Variants in LHFPL3 observed in about 807,000 individuals in gnomAD.
The protein encoded by LHFPL3 is LHFPL tetraspan subfamily member 3 protein.
Under a neutral mutation model 19.3 loss-of-function variants are expected in LHFPL3, and 5 were observed. The observed-to-expected ratio is 0.26, with a 90% confidence interval of 0.14 to 0.54. The LOEUF (loss-of-function observed/expected upper bound fraction) is 0.54. Among genes scored for constraint, LHFPL3 ranks in the 20% least tolerant of loss-of-function variants. The pLI is 0.94. For synonymous variants in LHFPL3, 133 were observed against 126.2 expected (o/e 1.05, Z -0.36); for missense variants, 249 against 307.4 (o/e 0.81, Z 1.42).
In LHFPL3 at chr7:104,830,145, C is replaced by G. The variant is rs962402871; in HGVS notation, c.683-76042C>G. ...AAATGTCTTCTTTTGAGAAGTGTCT[C>G]TTCATATCCTTTGCCCACTTTTTGA... On this transcript the variant is annotated intron_variant, in intron 2 of 2. Coordinates refer to ENST00000424859, the MANE Select transcript of LHFPL3 (RefSeq NM_199000.3). 1.1e-3 allele frequency among the ~76,000 whole-genome samples: 170 copies of G among 151,860 alleles called. No individual in the cohort carries two copies. The East Asian group carries it at 0.019, about 17-fold the overall frequency.
In LHFPL3 at chr7:104,593,003, A is replaced by AT. The variant is rs563769282; in HGVS notation, c.446-143664dup. Among the ~76,000 whole-genome samples the AT allele has an allele frequency of 2.1e-3, 321 of 152,018 alleles. 1 individual carries two copies. Among genetic ancestry groups the AT allele is most frequent in the Non-Finnish European group, 3.6e-3 (246 of 67,956 alleles). On this transcript the variant is annotated intron_variant, in intron 1 of 2. Transcript: ENST00000424859. ...ATGAAACCAGCTCCTGGATTCATTG[A>AT]TTTTTTTTGAAGGGTTTTTTGTGTC...
At chr7:104,561,459 T>A (rs903458592) in intron 1 of LHFPL3, among the ~76,000 whole-genome samples, 18 of 150,350 alleles carry the variant, frequency 1.2e-4, no homozygotes, top group Admixed American at 3.3e-4. Context: ...TCTCTTTTGA[T>A]CTTTGTTGGT....
chr7:104,889,689 G>A (rs1451240743), intron 2 of LHFPL3, among the ~76,000 whole-genome samples: 1 of 152,140 alleles, frequency 6.6e-6, no homozygotes, highest in Non-Finnish European at 1.5e-5. Flanking sequence ...CATTTTCTAA[G>A]AATGGATATT....
At position 104,741,420 on chromosome 7, in the gene LHFPL3, T is replaced by A. The variant is rs187013165; in HGVS notation, c.682+4509T>A. Among the ~76,000 whole-genome samples the A allele has an allele frequency of 5.0e-3, 661 of 130,986 alleles. 3 individuals carry two copies. Among genetic ancestry groups the A allele is most frequent in the Admixed American group, 0.01 (121 of 11,978 alleles). 85.9% of individuals were successfully genotyped at this position (130,986 alleles called of 152,430 possible). A position where few individuals can be genotyped will look rare whatever the true frequency, so the allele number is the denominator to read the frequency against. ...CCTTTATAAGAGATAAACTGAATCATCCATGGAGCTCCAGTGAAGTGCCAG... is the reference window on the plus strand; with the variant it reads ...CCTTTATAAGAGATAAACTGAATCAACCATGGAGCTCCAGTGAAGTGCCAG... On this transcript the variant is annotated intron_variant, in intron 2 of 2. Coordinates refer to ENST00000424859, the MANE Select transcript of LHFPL3 (RefSeq NM_199000.3).
chr7:104,553,091 G>A (rs1449480379), intron 1 of LHFPL3, among the ~76,000 whole-genome samples: 1 of 152,080 alleles, frequency 6.6e-6, no homozygotes, highest in African/African-American at 2.4e-5. Context: ...ATGTTTCTTT[G>A]TTGTAAGGTA....
At chr7:104,829,519 C>T (rs1482203596) in intron 2 of LHFPL3, among the ~76,000 whole-genome samples, 2 of 151,624 alleles carry the variant, frequency 1.3e-5, no homozygotes, top group African/African-American at 4.9e-5. Flanking sequence ...TGTGATGTTC[C>T]CCTTCCTGTG....
chr7:104,390,565 G>T (rs143505144), intron 1 of LHFPL3, among the ~76,000 whole-genome samples: 10,075 of 152,216 alleles, frequency 0.066, 361 homozygotes, highest in Middle Eastern at 0.099. Flanking sequence ...TGCTACATTT[G>T]CTTAATCCAG....
rs201976105 is a variant in LHFPL3, at chr7:104,449,256, ATGT to A, written c.445+120040_445+120042del. 7.1e-3 allele frequency among the ~76,000 whole-genome samples: 1,080 copies of A among 152,304 alleles called. 11 individuals carry two copies. Among genetic ancestry groups the A allele is most frequent in the African/African-American group, 0.025 (1,033 of 41,574 alleles). On this transcript the variant is annotated intron_variant, in intron 1 of 2. Coordinates refer to ENST00000424859, the MANE Select transcript of LHFPL3 (RefSeq NM_199000.3). Reference sequence around the variant, plus strand: ...GACAGAGTTCCTACACACTGTAAGAATGTTGTTGTTTCTTTTTTTCCCTGAAGG... The same window carrying A: ...GACAGAGTTCCTACACACTGTAAGAATGTTGTTTCTTTTTTTCCCTGAAGG...
chr7:104,427,098 C>T (rs1251313946), intron 1 of LHFPL3, among the ~76,000 whole-genome samples: 2 of 151,620 alleles, frequency 1.3e-5, no homozygotes, highest in Non-Finnish European at 2.9e-5. Context: ...TCGAGGTTTT[C>T]ACAGTGTATT....
At chr7:104,698,276 AT>A (rs1306076898) in intron 1 of LHFPL3, among the ~76,000 whole-genome samples, 1 of 152,250 alleles carries the variant, frequency 6.6e-6, no homozygotes, top group African/African-American at 2.4e-5. Flanking sequence ...ACCTGATAAT[AT>A]CTTACATTAG....
At chr7:104,344,150 A>C (rs1185877290) in intron 1 of LHFPL3, among the ~76,000 whole-genome samples, 2 of 152,136 alleles carry the variant, frequency 1.3e-5, no homozygotes, top group Non-Finnish European at 2.9e-5. Context: ...TATATTGATA[A>C]GATAATTATA....
chr7:104,734,716 C>T (rs1006749876), intron 1 of LHFPL3, among the ~76,000 whole-genome samples: 1 of 152,234 alleles, frequency 6.6e-6, no homozygotes, highest in African/African-American at 2.4e-5. Context: ...CTTCTCTCAA[C>T]TCGTCAAAGT....
chr7:104,394,582 A>G (rs1441619535), intron 1 of LHFPL3, among the ~76,000 whole-genome samples: 1 of 152,190 alleles, frequency 6.6e-6, no homozygotes, highest in African/African-American at 2.4e-5. Context: ...TTTTGTAACA[A>G]AACTATGGAT....
intron 1 of LHFPL3, among the ~76,000 whole-genome samples, chr7:104,687,141 C>T (rs879853429): frequency 2.6e-5 from 4 of 152,236 alleles, no homozygotes; most frequent in Non-Finnish European, 5.9e-5. Flanking sequence ...TCAGGTTTGA[C>T]TTCTTTGCTG....
chr7:104,582,002 T>C (rs1407650044), intron 1 of LHFPL3, among the ~76,000 whole-genome samples: 2 of 152,008 alleles, frequency 1.3e-5, no homozygotes, highest in African/African-American at 4.8e-5. Flanking sequence ...TTGTTCATTT[T>C]TATCAGAAAG....
chr7:104,873,546 C>T (rs984307673), intron 2 of LHFPL3, among the ~76,000 whole-genome samples: 6 of 151,978 alleles, frequency 3.9e-5, no homozygotes, highest in African/African-American at 1.5e-4. Flanking sequence ...GAAGATGGCC[C>T]GAGCCCAGGA....
intron 1 of LHFPL3, among the ~76,000 whole-genome samples, chr7:104,519,533 G>C (rs1054614114): frequency 2.0e-5 from 3 of 152,160 alleles, no homozygotes; most frequent in African/African-American, 7.2e-5. Flanking sequence ...TAGGGAGGGA[G>C]AAGAAGGGAA....
intron 1 of LHFPL3, among the ~76,000 whole-genome samples, chr7:104,615,719 C>T (rs1791320518): frequency 6.6e-6 from 1 of 151,518 alleles, no homozygotes; most frequent in South Asian, 2.1e-4. Context: ...TGTTCCCCTC[C>T]CGGTGTCCAT....
chr7:104,883,034 G>A (rs1041630741), intron 2 of LHFPL3, among the ~76,000 whole-genome samples: 1 of 152,154 alleles, frequency 6.6e-6, no homozygotes, highest in Non-Finnish European at 1.5e-5. Context: ...AATGTTTATC[G>A]GAAATTTAAC....
Sources: allele counts gnomAD v4.1 joint callset (sites outside exome capture counted in the v4.1 genomes callset), GRCh38; gene constraint gnomAD v4.1.1; transcripts MANE v1.5; gene names NCBI Gene and HGNC (gene_info 2026-07-23, HGNC 2026-07-21).